NDUFS4: variants seen among roughly 807,000 people sequenced by gnomAD.
The protein encoded by NDUFS4 is NADH:ubiquinone oxidoreductase subunit S4.
A neutral mutation model predicts 24.3 loss-of-function variants in NDUFS4; 28 were observed. The observed-to-expected ratio is 1.15, with a 90% CI of 0.85 to 1.58. The LOEUF is 1.58. Among genes scored for constraint, NDUFS4 ranks in the 40% most tolerant of loss-of-function variants. The pLI is 0.00. For synonymous variants in NDUFS4, 93 were observed against 69.7 expected, an observed-to-expected ratio of 1.34 and a Z score of -1.67; for missense variants, 223 against 207.9, an observed-to-expected ratio of 1.07 and a Z score of -0.45.
intron 3 of NDUFS4, among the ~76,000 whole-genome samples, chr5:53,657,286 T>G (rs955225914): frequency 2.0e-5 from 3 of 152,166 alleles, no homozygotes; most frequent in Admixed American, 6.5e-5. Flanking sequence ...TATGATATTA[T>G]TAGTACTAAT....
chr5:53,654,840 T>G (rs910773112), intron 3 of NDUFS4, among the ~76,000 whole-genome samples: 2 of 152,188 alleles, frequency 1.3e-5, no homozygotes, highest in Non-Finnish European at 2.9e-5. Context: ...TTACATTGTA[T>G]TGATACTTAG....
chr5:53,586,278 G>A (rs1011520948), intron 1 of NDUFS4, among the ~76,000 whole-genome samples: 1 of 147,172 alleles, frequency 6.8e-6, no homozygotes, highest in Non-Finnish European at 1.5e-5. Context: ...GCAGTGAGCC[G>A]AGATCACGCC....
intron 4 of NDUFS4, among the ~76,000 whole-genome samples, chr5:53,674,772 A>AT (rs1334144900): frequency 1.3e-5 from 2 of 152,168 alleles, no homozygotes; most frequent in African/African-American, 4.8e-5. Flanking sequence ...GTAAGTTTAC[A>AT]TTTTTTCTTG....
intron 4 of NDUFS4, among the ~76,000 whole-genome samples, chr5:53,660,107 A>T (rs149876278): frequency 4.7e-5 from 7 of 149,116 alleles, no homozygotes; most frequent in African/African-American, 1.7e-4. Context: ...GCACCGATTA[A>T]CTCTTCATTT....
chr5:53,620,422 A>G (rs544331433), intron 2 of NDUFS4, among the ~76,000 whole-genome samples: 20 of 152,306 alleles, frequency 1.3e-4, no homozygotes, highest in Middle Eastern at 3.4e-3. Flanking sequence ...TATCCTAAGG[A>G]TCAACTTACA....
chr5:53,561,922 A>G (rs973815294), intron 1 of NDUFS4, among the ~76,000 whole-genome samples: 4 of 152,216 alleles, frequency 2.6e-5, no homozygotes, highest in African/African-American at 4.8e-5. Flanking sequence ...GAGTCACTCA[A>G]AAGTAAGGGT....
At chr5:53,657,934 A>G (rs10940326) in intron 3 of NDUFS4, among the ~76,000 whole-genome samples, 1 of 151,104 alleles carries the variant, frequency 6.6e-6, no homozygotes, top group Admixed American at 6.6e-5. Flanking sequence ...CAAAAAAAAA[A>G]AAAAAAAAGA....
At chr5:53,576,156 A>C (rs1049903442) in intron 1 of NDUFS4, among the ~76,000 whole-genome samples, 2 of 152,246 alleles carry the variant, frequency 1.3e-5, no homozygotes, top group African/African-American at 4.8e-5. Context: ...CATATGTATA[A>C]AATCAGAGTG....
intron 2 of NDUFS4, among the ~76,000 whole-genome samples, chr5:53,622,318 A>G (rs1751067946): frequency 6.6e-6 from 1 of 152,134 alleles, no homozygotes; most frequent in Non-Finnish European, 1.5e-5. Context: ...GGGTGGTTCA[A>G]ACAACAGAAA....
rs375515717 is a variant in NDUFS4, at chr5:53,563,654, A to G, written c.98+2894A>G. Among the ~76,000 whole-genome samples the G allele has an allele frequency of 6.3e-3, 956 of 151,992 alleles. 12 individuals are homozygous for G. Among genetic ancestry groups the G allele is most frequent in the African/African-American group, 0.022 (916 of 41,462 alleles). On this transcript the variant is annotated intron_variant, in intron 1 of 4. Coordinates refer to ENST00000296684, the MANE Select transcript of NDUFS4 (RefSeq NM_002495.4). Reference sequence around the variant, plus strand: ...GTAGCTGGGATTACAGGTGCCCACCACCTCGCCCAGCTAATTTTTTTATTT... The same window carrying G: ...GTAGCTGGGATTACAGGTGCCCACCGCCTCGCCCAGCTAATTTTTTTATTT...
chr5:53,682,189 A>ATAT (rs1740689403), intron 4 of NDUFS4, among the ~76,000 whole-genome samples: 1 of 152,156 alleles, frequency 6.6e-6, no homozygotes, highest in Non-Finnish European at 1.5e-5. Context: ...TGACTTAATT[A>ATAT]TATTTTTAAG....
chr5:53,577,074 T>G (rs1749412463), intron 1 of NDUFS4, among the ~76,000 whole-genome samples: 2 of 152,118 alleles, frequency 1.3e-5, no homozygotes, highest in Non-Finnish European at 2.9e-5. Flanking sequence ...AGGTGGTTTA[T>G]TTGAGAGCTT....
chr5:53,623,391 G>T (rs1751115499), intron 2 of NDUFS4, among the ~76,000 whole-genome samples: 1 of 152,092 alleles, frequency 6.6e-6, no homozygotes. Flanking sequence ...ATCTTTTTGT[G>T]TGTTTATTTG....
At chr5:53,681,778 T>C (rs1740673645) in intron 4 of NDUFS4, among the ~76,000 whole-genome samples, 1 of 152,136 alleles carries the variant, frequency 6.6e-6, no homozygotes, top group Non-Finnish European at 1.5e-5. Flanking sequence ...AATATTCTCT[T>C]ATGGATAAAG....
intron 1 of NDUFS4, among the ~76,000 whole-genome samples, chr5:53,574,976 G>A (rs954186049): frequency 7.2e-5 from 11 of 152,178 alleles, no homozygotes; most frequent in Middle Eastern, 3.4e-3. Context: ...CAGCTCCAGC[G>A]GACTTAGAAG....
chr5:53,607,439 A>C (rs1750557120), intron 2 of NDUFS4, among the ~76,000 whole-genome samples: 1 of 152,216 alleles, frequency 6.6e-6, no homozygotes, highest in Non-Finnish European at 1.5e-5. Context: ...AAACATGCAC[A>C]TGTACCTCTT....
At chr5:53,598,854 A>G (rs1750217797) in intron 1 of NDUFS4, among the ~76,000 whole-genome samples, 1 of 152,198 alleles carries the variant, frequency 6.6e-6, no homozygotes, top group South Asian at 2.1e-4. Context: ...GTACGCTTAT[A>G]ATTACCTTGA....
intron 1 of NDUFS4, among the ~76,000 whole-genome samples, chr5:53,592,926 T>C (rs1750020324): frequency 6.6e-6 from 1 of 152,212 alleles, no homozygotes; most frequent in African/African-American, 2.4e-5. Context: ...TATAAATCTT[T>C]TCATGCATTG....
chr5:53,662,442 G>T (rs1752371696), intron 4 of NDUFS4, among the ~76,000 whole-genome samples: 1 of 152,110 alleles, frequency 6.6e-6, no homozygotes, highest in South Asian at 2.1e-4. Flanking sequence ...CAGGGATATT[G>T]GTCTAAAAAT....
Sources: gnomAD v4.1 joint callset for allele counts (sites outside exome capture counted in the v4.1 genomes callset) on GRCh38, gnomAD v4.1.1 for gene constraint, MANE v1.5 for transcripts, NCBI Gene and HGNC (gene_info 2026-07-23, HGNC 2026-07-21) for gene names.